Variants in MYB observed in about 807,000 individuals in gnomAD.
MYB encodes the protein transcriptional activator Myb.
A neutral mutation model predicts 92.9 loss-of-function variants in MYB; 28 were observed. The ratio of observed to expected loss-of-function variants is 0.30; its 90% CI spans 0.22 to 0.41. MYB has a LOEUF of 0.41. Among genes scored for constraint, MYB ranks in the 10% least tolerant of loss-of-function variants. The probability of loss-of-function intolerance (pLI) is 1.00; values close to 1 mark genes in which losing one functional copy is unlikely to be tolerated. For synonymous variants in MYB, 295 were observed against 329.1 expected, an observed-to-expected ratio of 0.90 and a Z score of 1.12; for missense variants, 679 against 929.3, an observed-to-expected ratio of 0.73 and a Z score of 3.50.
intron 1 of MYB, among the ~76,000 whole-genome samples, chr6:135,185,379 A>G (rs1009505820): frequency 2.0e-5 from 3 of 152,202 alleles, no homozygotes; most frequent in Non-Finnish European, 4.4e-5. Flanking sequence ...TGGGATCACT[A>G]TAATTCTGTT....
rs772254175 is a variant in MYB at position 135,217,953 on chromosome 6, A to C, written c.2259A>C (p.Ala753=). ...GTCAAGCTCGTAAATACGTGAATGC[A>C]TTCTCAGCCCGGACGCTGGTCATGT... ...SSSQARKYVN[A]FSARTLVM The change falls in exon 16 of 16, where the codon GCA becomes GCC. Residue 753 remains alanine (A), a synonymous_variant. Coordinates refer to ENST00000341911, the MANE Select transcript of MYB (RefSeq NM_001130173.2). 2 of 1,611,884 alleles carry C rather than the reference A, an allele frequency of 1.2e-6. No individual in the cohort carries two copies. The highest frequency in any genetic ancestry group is 2.2e-5 in the South Asian group (2 of 91,024).
At chr6:135,196,317 T>G (rs1369250900) in intron 9 of MYB, among the ~76,000 whole-genome samples, 1 of 152,178 alleles carries the variant, frequency 6.6e-6, no homozygotes, top group Non-Finnish European at 1.5e-5. Context: ...AAAGCAGAGC[T>G]TGGATTATGG....
chr6:135,200,217 T>A lies in MYB; in HGVS notation c.1824+18T>A. Reference sequence around the variant, plus strand: ...AGATGCTAGTAAGTTCTAGAAAAGTTTTTGGATTTCATTGGTTTATTAGTC... The same window carrying A: ...AGATGCTAGTAAGTTCTAGAAAAGTATTTGGATTTCATTGGTTTATTAGTC... On this transcript the variant is annotated intron_variant, in intron 12 of 15. Transcript: ENST00000341911. 1 of 1,613,994 alleles carries A rather than the reference T, an allele frequency of 6.2e-7. No homozygotes were observed. Among genetic ancestry groups the A allele is most frequent in the East Asian group, 2.2e-5 (1 of 44,882 alleles).
At chr6:135,204,791 G>A (rs1000154404) in intron 15 of MYB, among the ~76,000 whole-genome samples, 4 of 152,128 alleles carry the variant, frequency 2.6e-5, no homozygotes, top group African/African-American at 9.7e-5. Context: ...GCTGGAGTTG[G>A]CCCCGTGTGG....
chr6:135,195,082 G>C (rs1365916072), intron 8 of MYB: 1 of 1,291,446 alleles, frequency 7.7e-7, no homozygotes, highest in Non-Finnish European at 1.0e-6. Flanking sequence ...GTGATGCCCA[G>C]TAGGTATTCC....
At chr6:135,195,131 TA>T (rs1777130856) in intron 8 of MYB, 1 of 1,227,652 alleles carries the variant, frequency 8.1e-7, no homozygotes. Flanking sequence ...ATAAGATGTT[TA>T]TGTGCACATG....
intron 10 of MYB, 67 bp downstream of exon 10, chr6:135,197,390 A>C (rs2128298418): frequency 7.6e-7 from 1 of 1,309,814 alleles, no homozygotes; most frequent in East Asian, 2.3e-5. Context: ...ATAATCTAGA[A>C]ACTAATACTT....
At position 135,198,922 on chromosome 6, in the gene MYB, C is replaced by T. The variant is rs745341410; in HGVS notation, c.1581C>T (p.Ser527=). Reference sequence around the variant, plus strand: ...TCCATATTTAGTTCTTAAACACTTCCAGTAACCATGAAAACTCAGACTTGG... The same window carrying T: ...TCCATATTTAGTTCTTAAACACTTCTAGTAACCATGAAAACTCAGACTTGG... ...PFSPSQFLNT[S]SNHENSDLEM... The change falls in exon 11 of 16, where the codon TCC becomes TCT. Residue 527 remains serine (S), a synonymous_variant. Coordinates refer to ENST00000341911, the MANE Select transcript of MYB (RefSeq NM_001130173.2). The T allele has an allele frequency of 3.1e-6, 5 of 1,608,074 alleles. No individual in the cohort carries two copies. Among genetic ancestry groups the T allele is most frequent in the East Asian group, 2.2e-5 (1 of 44,756 alleles).
chr6:135,199,324 G>A lies in MYB; in HGVS notation c.1709+274G>A, dbSNP rs549430626. 9.9e-5 allele frequency among the ~76,000 whole-genome samples: 15 copies of A among 152,020 alleles called. No homozygotes were observed. In the East Asian group the frequency reaches 1.5e-3, roughly 16 times the overall value. On this transcript the variant is annotated intron_variant, in intron 11 of 15. Coordinates refer to ENST00000341911, the MANE Select transcript of MYB (RefSeq NM_001130173.2). The stretch of plus-strand genomic sequence containing the variant: ...TAGTTTTCATAAAACTTTTCCATTC[G>A]GTTTGTTTGTTCCCTCCATAAGGCC...
intron 15 of MYB, chr6:135,203,787 T>G (rs947163100): frequency 6.9e-6 from 9 of 1,303,648 alleles, no homozygotes; most frequent in East Asian, 5.2e-5. Flanking sequence ...ATAATTGCAA[T>G]GTATTTGACT....
intron 9 of MYB, among the ~76,000 whole-genome samples, chr6:135,196,335 A>G (rs112938616): frequency 5.4e-4 from 82 of 152,296 alleles, no homozygotes; most frequent in African/African-American, 1.9e-3. Flanking sequence ...TGGGAACGGA[A>G]TGGTGTTTGA....
chr6:135,200,209 A>G lies in MYB; in HGVS notation c.1824+10A>G. The G allele has an allele frequency of 6.2e-7, 1 of 1,614,092 alleles. No homozygotes were observed. Among genetic ancestry groups the G allele is most frequent in the Admixed American group, 1.7e-5 (1 of 60,016 alleles). ...TCCCCTGAAGATGCTAGTAAGTTCT[A>G]GAAAAGTTTTTGGATTTCATTGGTT... On this transcript the variant is annotated intron_variant, in intron 12 of 15. Coordinates refer to ENST00000341911, the MANE Select transcript of MYB (RefSeq NM_001130173.2).
At chr6:135,206,859 G>C (rs1169937278) in intron 15 of MYB, among the ~76,000 whole-genome samples, 1 of 152,144 alleles carries the variant, frequency 6.6e-6, no homozygotes, top group Non-Finnish European at 1.5e-5. Flanking sequence ...TTATGTCATG[G>C]AGTTCTAGCT....
At chr6:135,212,326 A>G (rs570812360) in intron 15 of MYB, among the ~76,000 whole-genome samples, 63 of 145,270 alleles carry the variant, frequency 4.3e-4, no homozygotes, top group African/African-American at 1.5e-3. Context: ...TTTTGAAGCC[A>G]GCAGATACTG....
intron 13 of MYB, among the ~76,000 whole-genome samples, chr6:135,200,846 AG>A (rs1436822345): frequency 7.2e-5 from 11 of 152,120 alleles, no homozygotes; most frequent in Admixed American, 7.2e-4. Context: ...TGGGAGGCTG[AG>A]GTGGGCAGAT....
intron 2 of MYB, 35 bp downstream of exon 2, chr6:135,186,055 A>G (rs757283751): frequency 1.3e-6 from 2 of 1,569,614 alleles, no homozygotes; most frequent in South Asian, 2.2e-5. Flanking sequence ...CAGAAAATAG[A>G]TAGAGTGTAT....
intron 1 of MYB, among the ~76,000 whole-genome samples, chr6:135,183,118 C>G (rs1199605037): frequency 6.6e-6 from 1 of 150,906 alleles, no homozygotes; most frequent in Non-Finnish European, 1.5e-5. Context: ...AGGTCTCGGC[C>G]GCCCCCGCGG....
At chr6:135,207,784 G>A (rs1254329547) in intron 15 of MYB, among the ~76,000 whole-genome samples, 3 of 149,700 alleles carry the variant, frequency 2.0e-5, no homozygotes, top group African/African-American at 7.4e-5. Flanking sequence ...GCCCAGGCTG[G>A]GGTGCAGTGA....
chr6:135,209,028 G>T (rs577564810), intron 15 of MYB, among the ~76,000 whole-genome samples: 1 of 152,226 alleles, frequency 6.6e-6, no homozygotes, highest in East Asian at 1.9e-4. Flanking sequence ...TTGAAATATG[G>T]CAAGTGCTGC....
Sources: allele counts gnomAD v4.1 joint callset (sites outside exome capture counted in the v4.1 genomes callset), GRCh38; gene constraint gnomAD v4.1.1; transcripts MANE v1.5; gene names NCBI Gene and HGNC (gene_info 2026-07-23, HGNC 2026-07-21).